The following MAST4 variants were observed in gnomAD, a reference collection of about 807,000 sequenced individuals.
MAST4 encodes microtubule-associated serine/threonine-protein kinase 4.
Under a neutral mutation model 162.7 loss-of-function variants are expected in MAST4, and 89 were observed. That is an observed-to-expected ratio of 0.55 (90% CI 0.46 to 0.65). The LOEUF (loss-of-function observed/expected upper bound fraction) is 0.65. Ranked by LOEUF, MAST4 falls within the 30% of genes least tolerant of loss-of-function variation. The pLI is 0.00. For synonymous variants in MAST4, 1,479 were observed against 1,361.1 expected, an observed-to-expected ratio of 1.09 and a Z score of -1.91; for missense variants, 3,153 against 3,374.0, an observed-to-expected ratio of 0.93 and a Z score of 1.62.
intron 1 of MAST4, among the ~76,000 whole-genome samples, chr5:66,622,013 A>G (rs542470344): frequency 2.0e-5 from 3 of 152,260 alleles, no homozygotes; most frequent in East Asian, 3.9e-4. Context: ...TATTTACAGA[A>G]TCATGCAGCG....
intron 1 of MAST4, among the ~76,000 whole-genome samples, chr5:66,726,771 G>A (rs78219178): frequency 0.011 from 1,712 of 152,226 alleles, 32 homozygotes; most frequent in African/African-American, 0.039. Context: ...ATTATCATAG[G>A]AGTGTGAACC....
intron 1 of MAST4, among the ~76,000 whole-genome samples, chr5:66,630,342 G>A (rs1282607756): frequency 3.3e-5 from 5 of 152,088 alleles, no homozygotes; most frequent in Non-Finnish European, 1.5e-5. Context: ...TGTCAACTCC[G>A]CATCCTGTTT....
chr5:66,891,684 C>G (rs1229999303), intron 3 of MAST4, among the ~76,000 whole-genome samples: 2 of 152,154 alleles, frequency 1.3e-5, no homozygotes, highest in African/African-American at 4.8e-5. Flanking sequence ...CCCTACCTGA[C>G]TACGTCTGTT....
intron 1 of MAST4, among the ~76,000 whole-genome samples, chr5:66,756,180 T>C (rs113975424): frequency 2.3e-3 from 344 of 152,334 alleles, no homozygotes; most frequent in Non-Finnish European, 4.1e-3. Flanking sequence ...CATTCAATAA[T>C]ATTAAAGGAA....
At chr5:67,096,647 T>C (rs1348424185) in intron 7 of MAST4, among the ~76,000 whole-genome samples, 2 of 152,194 alleles carry the variant, frequency 1.3e-5, no homozygotes, top group East Asian at 1.9e-4. Flanking sequence ...CTCTGCCTTA[T>C]ACTGATGTAT....
chr5:66,832,133 C>T lies in MAST4; in HGVS notation c.642+43339C>T, dbSNP rs114368045. The stretch of plus-strand genomic sequence containing the variant: ...GAGAGGGGCATCCCAGAGCGGCTGA[C>T]GATGCCTTTCCTGCCATCCTCTGGT... On this transcript the variant is annotated intron_variant, in intron 3 of 28. Transcript: ENST00000403625. 9.1e-3 allele frequency among the ~76,000 whole-genome samples: 1,386 copies of T among 152,200 alleles called. 26 individuals are homozygous for T. Among genetic ancestry groups the T allele is most frequent in the African/African-American group, 0.031 (1,286 of 41,540 alleles).
At chr5:66,780,582 G>T (rs1351624640) in intron 2 of MAST4, among the ~76,000 whole-genome samples, 5 of 152,192 alleles carry the variant, frequency 3.3e-5, no homozygotes, top group African/African-American at 1.2e-4. Flanking sequence ...TTATTGTGAA[G>T]AGTGAAAGAA....
intron 4 of MAST4, among the ~76,000 whole-genome samples, chr5:66,990,373 C>T (rs1196475563): frequency 6.6e-6 from 1 of 152,134 alleles, no homozygotes; most frequent in Non-Finnish European, 1.5e-5. Context: ...TGGTGGCTCA[C>T]ACCCATAATC....
At chr5:66,900,120 T>C (rs953319614) in intron 4 of MAST4, 138 bp downstream of exon 4, 6 of 628,490 alleles carry the variant, frequency 9.5e-6, no homozygotes, top group Non-Finnish European at 1.5e-5. Flanking sequence ...AATTTATTTA[T>C]AAAAGTCAAA....
intron 14 of MAST4, among the ~76,000 whole-genome samples, chr5:67,128,098 GAATTT>G (rs1248797617): frequency 6.6e-6 from 1 of 152,032 alleles, no homozygotes; most frequent in African/African-American, 2.4e-5. Flanking sequence ...AAATCAACAG[GAATTT>G]AATTTAGTAA....
At chr5:67,147,548 A>C (rs963469821) in intron 23 of MAST4, among the ~76,000 whole-genome samples, 6 of 152,238 alleles carry the variant, frequency 3.9e-5, no homozygotes, top group Admixed American at 3.9e-4. Context: ...GTTTGAAGCC[A>C]TGAAAAATAA....
chr5:66,599,269 T>C lies in MAST4; in HGVS notation c.363+2251T>C, dbSNP rs558068763. ...GCAGGGGGGTGTTCACCTTCACTGTTTGTGGGGTTGTGGGCCTCTTTAAGG... is the reference window on the plus strand; with the variant it reads ...GCAGGGGGGTGTTCACCTTCACTGTCTGTGGGGTTGTGGGCCTCTTTAAGG... On this transcript the variant is annotated intron_variant, in intron 1 of 28. Transcript: ENST00000403625. Among the ~76,000 whole-genome samples the C allele has an allele frequency of 1.1e-4, 16 of 152,268 alleles. No individual in the cohort carries two copies. The East Asian group carries it at 2.1e-3, about 20-fold the overall frequency.
intron 20 of MAST4, 53 bp from the exon 21 acceptor site, chr5:67,142,368 C>A: frequency 6.6e-7 from 1 of 1,513,720 alleles, no homozygotes; most frequent in South Asian, 1.2e-5. Context: ...ATTAAAATAT[C>A]TAAATGTTGA....
chr5:67,052,494 A>G (rs462483), intron 4 of MAST4, among the ~76,000 whole-genome samples: 22,843 of 151,876 alleles, frequency 0.15, 1,788 homozygotes, highest in Middle Eastern at 0.22. Context: ...TGTTTTGCCT[A>G]TTGTGGTAGT....
chr5:66,875,278 G>A (rs1030983880), intron 3 of MAST4, among the ~76,000 whole-genome samples: 10 of 152,208 alleles, frequency 6.6e-5, no homozygotes, highest in African/African-American at 2.4e-4. Flanking sequence ...CACATAAAAT[G>A]TTGTACTATG....
At chr5:66,679,776 A>G (rs973395826) in intron 1 of MAST4, among the ~76,000 whole-genome samples, 1 of 151,888 alleles carries the variant, frequency 6.6e-6, no homozygotes, top group Non-Finnish European at 1.5e-5. Flanking sequence ...TATGCTTTGC[A>G]TATGTCCTTC....
chr5:66,789,389 C>T (rs1755278069), intron 3 of MAST4, among the ~76,000 whole-genome samples: 1 of 152,100 alleles, frequency 6.6e-6, no homozygotes, highest in South Asian at 2.1e-4. Flanking sequence ...TAGAATTTTC[C>T]CTCTCCAGTG....
At chr5:66,868,512 A>G (rs528200236) in intron 3 of MAST4, among the ~76,000 whole-genome samples, 49 of 145,726 alleles carry the variant, frequency 3.4e-4, no homozygotes, top group African/African-American at 1.1e-3. Flanking sequence ...TTTTTTAGCA[A>G]TAGGATACCA....
intron 14 of MAST4, among the ~76,000 whole-genome samples, chr5:67,123,384 A>G (rs2150961374): frequency 6.6e-6 from 1 of 152,324 alleles, no homozygotes. Context: ...CACACTTCTG[A>G]TCCCTGACTG....
Sources: gnomAD v4.1 joint callset for allele counts (sites outside exome capture counted in the v4.1 genomes callset) on GRCh38, gnomAD v4.1.1 for gene constraint, MANE v1.5 for transcripts, NCBI Gene and HGNC (gene_info 2026-07-23, HGNC 2026-07-21) for gene names.